UBR4: variants seen among roughly 807,000 people sequenced by gnomAD.
UBR4 encodes E3 ubiquitin-protein ligase UBR4.
In UBR4, 124 loss-of-function variants were observed where a neutral mutation model predicts 575.6. That is an observed-to-expected ratio of 0.22 (90% CI 0.19 to 0.25). The LOEUF (loss-of-function observed/expected upper bound fraction) is 0.25. Ranked by LOEUF, UBR4 falls within the 10% of genes least tolerant of loss-of-function variation. The pLI, the probability that UBR4 is intolerant of heterozygous loss-of-function variation, is 1.00. For missense variants in UBR4, 4,818 were observed against 6,478.8 expected (o/e 0.74, Z 8.80); for synonymous variants, 2,455 against 2,473.7 (o/e 0.99, Z 0.22).
chr1:19,160,316 A>G (rs768419406), intron 38 of UBR4, 35 bp from the exon 39 acceptor site: 26 of 1,506,354 alleles, frequency 1.7e-5, no homozygotes, highest in South Asian at 7.7e-5. Flanking sequence ...CAGTGAAAAA[A>G]AAAAAAAAGA....
intron 39 of UBR4, among the ~76,000 whole-genome samples, chr1:19,158,595 C>T (rs532683857): frequency 1.3e-5 from 2 of 151,884 alleles, no homozygotes; most frequent in African/African-American, 2.4e-5. Context: ...GTAGCTGAGA[C>T]CACAGGCATG....
At chr1:19,105,949 C>T in intron 83 of UBR4, 107 bp from the exon 84 acceptor site, 2 of 698,898 alleles carry the variant, frequency 2.9e-6, no homozygotes, top group Non-Finnish European at 4.5e-6. Flanking sequence ...GTCTTCTGGG[C>T]ACCTCTCTAG....
At chr1:19,177,386 G>T in intron 19 of UBR4, 75 bp downstream of exon 19, 1 of 1,557,496 alleles carries the variant, frequency 6.4e-7, no homozygotes, top group Non-Finnish European at 8.7e-7. Flanking sequence ...CATTTGGGCT[G>T]CGGATCATGG....
Position 19,139,123 on chromosome 1 carries a change from G to A in UBR4, c.8691C>T (p.Ser2897=), listed in dbSNP as rs1413456895. 11 of 1,613,614 alleles carry A rather than the reference G, an allele frequency of 6.8e-6. No individual in the cohort carries two copies. The East Asian group carries it at 1.3e-4, about 20-fold the overall frequency. ...ADHGGSVGSE[S]GGSAVDSVAG... The stretch of plus-strand genomic sequence containing the variant: ...CCACTGAGTCCACTGCACTGCCCCC[G>A]CTCTCCGAGCCCACACTACCACCGT... Residue 2897 remains serine, a synonymous_variant, in exon 59 of 106, where the codon AGC becomes AGT. Transcript: ENST00000375254. The surrounding 1 kb of genome is among the most constrained non-coding windows in gnomAD (Gnocchi z 4.2).
intron 50 of UBR4, 119 bp from the exon 51 acceptor site, chr1:19,148,246 G>T (rs892925942): frequency 2.4e-5 from 31 of 1,309,970 alleles, no homozygotes; most frequent in Non-Finnish European, 3.2e-5. Context: ...ATGCTCCATG[G>T]ACTGCAAAGA....
Position 19,157,017 on chromosome 1 carries a change from G to A in UBR4, c.5761-92C>T. On this transcript the variant is annotated intron_variant, in intron 40 of 105. Coordinates refer to ENST00000375254, the MANE Select transcript of UBR4 (RefSeq NM_020765.3). This position sits in a 1 kb window ranked among gnomAD's most constrained non-coding sequence, Gnocchi z 4.4. Reference sequence around the variant, plus strand: ...AAAAACTCTTTCAATAGGGATAACAGGTTGCACACTTTTTTCTTTACAGAT... The same window carrying A: ...AAAAACTCTTTCAATAGGGATAACAAGTTGCACACTTTTTTCTTTACAGAT... 2.1e-6 allele frequency: 3 copies of A among 1,412,178 alleles called. No individual in the cohort carries two copies. The highest frequency in any genetic ancestry group is 1.4e-5 in the African/African-American group (1 of 69,520). 87.5% of individuals were successfully genotyped at this position (1,412,178 alleles called of 1,614,324 possible). A position where few individuals can be genotyped will look rare whatever the true frequency, so the allele number is the denominator to read the frequency against.
Position 19,121,979 on chromosome 1 carries a change from C to T in UBR4, c.9850G>A (p.Ala3284Thr), listed in dbSNP as rs202044053. Residue 3284 changes from alanine (A) to threonine (T), a missense_variant, in exon 67 of 106, where the codon GCC becomes ACC. Physicochemically the swap from Ala to Thr is moderately conservative, Grantham distance 58. Around this residue, in one of 29 missense-constraint regions of UBR4, gnomAD observed 550 missense variants for 791.5 expected, o/e 0.69. Coordinates refer to ENST00000375254, the MANE Select transcript of UBR4 (RefSeq NM_020765.3). ...EHLKACAEIA[A>T]QRTINWQKFC... ...TTCTGCCAGTTGATGGTTCGCTGGG[C>T]GGCAATCTCTGCACAGGCTTTCAGG... 8.4e-5 allele frequency: 136 copies of T among 1,614,034 alleles called. No individual in the cohort carries two copies. Among genetic ancestry groups the T allele is most frequent in the Non-Finnish European group, 1.1e-4 (129 of 1,180,014 alleles).
At chr1:19,102,562 A>C (rs2078751084) in intron 87 of UBR4, among the ~76,000 whole-genome samples, 1 of 152,218 alleles carries the variant, frequency 6.6e-6, no homozygotes, top group African/African-American at 2.4e-5. Context: ...AAAACAATTT[A>C]AAGTGTTGAA....
chr1:19,158,190 T>C (rs1364168137), intron 39 of UBR4, among the ~76,000 whole-genome samples, 193 bp from the exon 40 acceptor site: 6 of 152,170 alleles, frequency 3.9e-5, no homozygotes, highest in Admixed American at 3.3e-4. Flanking sequence ...ACATAGTAAA[T>C]GTTTTCATAA....
At chr1:19,097,596 G>A (rs2078187600) in intron 90 of UBR4, among the ~76,000 whole-genome samples, 1 of 152,198 alleles carries the variant, frequency 6.6e-6, no homozygotes, top group Admixed American at 6.5e-5. Flanking sequence ...CAGGTCCTAT[G>A]CTAATTAAGT....
Position 19,167,002 on chromosome 1 carries a change from C to T in UBR4, c.4109+20G>A. The stretch of plus-strand genomic sequence containing the variant: ...CAGCAGTAGGTCATAGGAAACCTGA[C>T]TGTTCTCCATCAGGCTCACCTGTTA... On this transcript the variant is annotated intron_variant, in intron 29 of 105. Transcript: ENST00000375254. 1.2e-6 allele frequency: 2 copies of T among 1,613,940 alleles called. No homozygotes were observed. Among genetic ancestry groups the T allele is most frequent in the African/African-American group, 1.3e-5 (1 of 75,044 alleles).
At chr1:19,167,356 TC>T in intron 28 of UBR4, 125 bp from the exon 29 acceptor site, 2 of 890,090 alleles carry the variant, frequency 2.2e-6, no homozygotes, top group Non-Finnish European at 3.5e-6. Context: ...GGGCCTTTAT[TC>T]CAGTCTTTTT....
At chr1:19,086,882 C>A (rs1189689397) in intron 99 of UBR4, 61 bp from the exon 100 acceptor site, 2 of 1,596,208 alleles carry the variant, frequency 1.3e-6, no homozygotes, top group Non-Finnish European at 1.7e-6. Context: ...TCAGGAGAAG[C>A]AGAATAGAGG....
rs763777723 is a variant in UBR4, at chr1:19,173,305, T to C, written c.3167A>G (p.Asp1056Gly). ...RISSYVNWIK[D>G]HLIKQGMKAE... ...CTTCATTCCCTGTTTGATAAGGTGA[T>C]CCTATTTGGACAGCAAGAAAAAGTG... Residue 1056 changes from aspartate (D) to glycine (G), a missense_variant and splice_region_variant, in exon 24 of 106, where the codon GAT (aspartate) becomes GGT (glycine). Physicochemically the swap from Asp to Gly is moderately conservative, Grantham distance 94 (BLOSUM62 -1). This residue lies in a region of UBR4 where 1,172 missense variants were observed against 1,259.7 expected (regional missense o/e 0.93). Coordinates refer to ENST00000375254, the MANE Select transcript of UBR4 (RefSeq NM_020765.3). 1 of 1,614,142 alleles carries C rather than the reference T, an allele frequency of 6.2e-7. No homozygotes were observed. The highest frequency in any genetic ancestry group is 1.3e-5 in the African/African-American group (1 of 75,038).
rs1382479108 is a variant in UBR4 at position 19,152,560 on chromosome 1, C to A, written c.6833-84G>T. The A allele has an allele frequency of 2.1e-5, 33 of 1,554,062 alleles. No homozygotes were observed. The highest frequency in any genetic ancestry group is 2.8e-5 in the Non-Finnish European group (32 of 1,137,046). Reference sequence around the variant, plus strand: ...GGTAAAGACTCCTCCCAGACAGAGCCCACACTCACACTCTAATCTAAGCAA... The same window carrying A: ...GGTAAAGACTCCTCCCAGACAGAGCACACACTCACACTCTAATCTAAGCAA... On this transcript the variant is annotated intron_variant, in intron 46 of 105. Transcript: ENST00000375254. This position sits in a 1 kb window ranked among gnomAD's most constrained non-coding sequence, Gnocchi z 4.4.
At chr1:19,104,778 T>A in intron 85 of UBR4, 112 bp from the exon 86 acceptor site, 1 of 1,229,572 alleles carries the variant, frequency 8.1e-7, no homozygotes, top group Non-Finnish European at 1.2e-6. Context: ...TACATCTTCT[T>A]AATCGAACCC....
intron 54 of UBR4, 100 bp from the exon 55 acceptor site, chr1:19,144,191 G>A (rs1420588879): frequency 1.0e-5 from 11 of 1,049,736 alleles, no homozygotes; most frequent in Non-Finnish European, 1.6e-5. Flanking sequence ...ACATGCAAGT[G>A]GAATACCTCT....
intron 39 of UBR4, among the ~76,000 whole-genome samples, chr1:19,158,204 T>C (rs980064590): frequency 2.0e-5 from 3 of 152,196 alleles, no homozygotes; most frequent in Non-Finnish European, 4.4e-5. Flanking sequence ...TTCATAAAGC[T>C]AAACTTAAAT....
intron 70 of UBR4, 55 bp from the exon 71 acceptor site, chr1:19,119,012 GA>G: frequency 6.4e-7 from 1 of 1,551,086 alleles, no homozygotes; most frequent in Non-Finnish European, 8.9e-7. Flanking sequence ...AGTCTTATTG[GA>G]AAAGACTTTT....
Sources: allele counts gnomAD v4.1 joint callset (sites outside exome capture counted in the v4.1 genomes callset), GRCh38; gene constraint gnomAD v4.1.1; regional missense constraint gnomAD v4.1.1; non-coding constraint Gnocchi (gnomAD v3.1); transcripts MANE v1.5; gene names NCBI Gene and HGNC (gene_info 2026-07-23, HGNC 2026-07-21).